Variants in TTC27 observed in about 807,000 individuals in gnomAD.
TTC27 encodes the protein tetratricopeptide repeat domain 27.
TTC27 carries 79 observed loss-of-function variants against 115.9 expected under a neutral mutation model. The ratio of observed to expected loss-of-function variants is 0.68; its 90% CI spans 0.57 to 0.82. The LOEUF (loss-of-function observed/expected upper bound fraction) is 0.82, where lower values mean the gene tolerates loss of function less well. Among genes scored for constraint, TTC27 ranks in the 40% least tolerant of loss-of-function variants. The pLI, the probability that TTC27 is intolerant of heterozygous loss-of-function variation, is 0.00. For synonymous variants in TTC27, 401 were observed against 356.0 expected (o/e 1.13, Z -1.42); for missense variants, 1,054 against 993.1 (o/e 1.06, Z -0.82).
chr2:32,638,921 C>T (rs1327259017), intron 3 of TTC27, among the ~76,000 whole-genome samples: 2 of 152,004 alleles, frequency 1.3e-5, no homozygotes, highest in African/African-American at 4.8e-5. Flanking sequence ...CAAGCTCCAC[C>T]TCCTGGGTTC....
At chr2:32,803,687 T>C (rs1413586697) in intron 16 of TTC27, among the ~76,000 whole-genome samples, 1 of 152,026 alleles carries the variant, frequency 6.6e-6, no homozygotes, top group Non-Finnish European at 1.5e-5. Context: ...AACTTCACGT[T>C]GGGGAAAAAT....
chr2:32,765,506 T>C (rs975983028), intron 13 of TTC27, among the ~76,000 whole-genome samples: 1 of 152,180 alleles, frequency 6.6e-6, no homozygotes, highest in African/African-American at 2.4e-5. Context: ...TCTTTAGGGC[T>C]GTGGGATTTT....
chr2:32,695,021 A>C (rs1666936935), intron 9 of TTC27, among the ~76,000 whole-genome samples: 1 of 151,994 alleles, frequency 6.6e-6, no homozygotes, highest in Non-Finnish European at 1.5e-5. Flanking sequence ...GGTTTTGTAA[A>C]ATACATATTT....
chr2:32,763,162 G>A (rs1669506293), intron 13 of TTC27, among the ~76,000 whole-genome samples: 1 of 152,206 alleles, frequency 6.6e-6, no homozygotes, highest in South Asian at 2.1e-4. Context: ...CTTCTCATAT[G>A]GATCCAATTC....
intron 16 of TTC27, among the ~76,000 whole-genome samples, chr2:32,804,099 A>C (rs1432974297): frequency 1.3e-5 from 2 of 152,176 alleles, no homozygotes; most frequent in African/African-American, 4.8e-5. Context: ...GGAAATGGAA[A>C]AGTTTAACTT....
intron 10 of TTC27, among the ~76,000 whole-genome samples, chr2:32,721,273 A>G (rs1412130702): frequency 6.6e-6 from 1 of 152,184 alleles, no homozygotes. Context: ...ATGAGGAGTC[A>G]TTTAGTTGTA....
At chr2:32,779,230 A>C (rs1670096158) in intron 14 of TTC27, among the ~76,000 whole-genome samples, 1 of 151,884 alleles carries the variant, frequency 6.6e-6, no homozygotes, top group Non-Finnish European at 1.5e-5. Flanking sequence ...CTCAAAAAAA[A>C]AACAAACAAA....
At chr2:32,744,551 A>G (rs1340539323) in intron 12 of TTC27, among the ~76,000 whole-genome samples, 1 of 152,124 alleles carries the variant, frequency 6.6e-6, no homozygotes, top group African/African-American at 2.4e-5. Flanking sequence ...AGGTAGGGCA[A>G]CCTCAAGTGT....
At position 32,661,810 on chromosome 2, in the gene TTC27, T is replaced by C. The variant is rs1357567067; in HGVS notation, c.641-2493T>C. Among the ~76,000 whole-genome samples, 5 of 152,188 alleles carry C rather than the reference T, an allele frequency of 3.3e-5. No homozygotes were observed. The East Asian group carries it at 9.6e-4, about 29-fold the overall frequency. On this transcript the variant is annotated intron_variant, in intron 5 of 19. Coordinates refer to ENST00000317907, the MANE Select transcript of TTC27 (RefSeq NM_017735.5). ...CCAGTACTTCCAACACTATGTTGAA[T>C]AGGAATGGTGAGGGAGGGCATCCTT...
chr2:32,808,014 A>G (rs989639367), intron 16 of TTC27, among the ~76,000 whole-genome samples: 5 of 138,356 alleles, frequency 3.6e-5, no homozygotes, highest in Non-Finnish European at 6.2e-5. Flanking sequence ...GCTCACTGCA[A>G]CCTCCCCTCC....
intron 13 of TTC27, among the ~76,000 whole-genome samples, chr2:32,775,221 G>A (rs1285360819): frequency 2.6e-5 from 4 of 152,016 alleles, no homozygotes; most frequent in African/African-American, 7.2e-5. Flanking sequence ...TTTTTGAGAC[G>A]GAGTCTCGCT....
intron 5 of TTC27, among the ~76,000 whole-genome samples, chr2:32,663,023 T>C (rs1000352997): frequency 6.6e-6 from 1 of 152,198 alleles, no homozygotes; most frequent in African/African-American, 2.4e-5. Flanking sequence ...TGGACGCCCC[T>C]GTCCCCACCA....
At chr2:32,644,013 T>G (rs1037685233) in intron 4 of TTC27, among the ~76,000 whole-genome samples, 28 of 151,838 alleles carry the variant, frequency 1.8e-4, no homozygotes, top group Non-Finnish European at 4.0e-4. Flanking sequence ...AAACCCCGTT[T>G]CTATTAAAAA....
intron 6 of TTC27, 57 bp downstream of exon 6, chr2:32,664,524 T>C (rs1240306234): frequency 6.8e-7 from 1 of 1,464,422 alleles, no homozygotes; most frequent in East Asian, 2.3e-5. Flanking sequence ...ACTATATACA[T>C]TGGCAGTTTG....
At chr2:32,695,590 G>A (rs958659938) in intron 9 of TTC27, among the ~76,000 whole-genome samples, 12 of 151,840 alleles carry the variant, frequency 7.9e-5, no homozygotes, top group Admixed American at 2.0e-4. Flanking sequence ...GTGGTGGTGC[G>A]TGCCTGCAGT....
At chr2:32,634,169 A>G (rs1664323826) in intron 3 of TTC27, among the ~76,000 whole-genome samples, 164 bp downstream of exon 3, 1 of 152,210 alleles carries the variant, frequency 6.6e-6, no homozygotes, top group Admixed American at 6.5e-5. Context: ...ACAGATTTCC[A>G]GAAGTTCCTT....
rs781126132 is a variant in TTC27, at chr2:32,640,282, G to T, written c.409G>T (p.Asp137Tyr). 1.7e-5 allele frequency: 28 copies of T among 1,613,506 alleles called. No homozygotes were observed. The highest frequency in any genetic ancestry group is 2.3e-5 in the Non-Finnish European group (27 of 1,179,900). The change falls in exon 4 of 20, where the codon GAT becomes TAT. Residue 137 changes from aspartate to tyrosine, a missense_variant. Physicochemically the swap from Asp to Tyr is radical, Grantham distance 160 (BLOSUM62 -3). Transcript: ENST00000317907. Reference protein sequence around the residue: ...FQQFSEVKGLDAFVLSLLTLD... With the variant: ...FQQFSEVKGLYAFVLSLLTLD... ...ATCCTTTTTTCAGGTTAAAGGACTGGATGCATTTGTTCTGAGCCTGCTCAC... is the reference window on the plus strand; with the variant it reads ...ATCCTTTTTTCAGGTTAAAGGACTGTATGCATTTGTTCTGAGCCTGCTCAC...
At chr2:32,778,262 C>T (rs1167862945) in intron 14 of TTC27, among the ~76,000 whole-genome samples, 1 of 152,004 alleles carries the variant, frequency 6.6e-6, no homozygotes, top group African/African-American at 2.4e-5. Context: ...ATTAGTATGT[C>T]CTGCCTATGT....
intron 11 of TTC27, 37 bp from the exon 12 acceptor site, chr2:32,736,657 C>T (rs770579770): frequency 6.2e-7 from 1 of 1,612,316 alleles, no homozygotes. Context: ...TCTTTTTACA[C>T]CAAGAAGTAT....
Sources: allele counts gnomAD v4.1 joint callset (sites outside exome capture counted in the v4.1 genomes callset), GRCh38; gene constraint gnomAD v4.1.1; transcripts MANE v1.5; gene names NCBI Gene and HGNC (gene_info 2026-07-23, HGNC 2026-07-21).